The following TMCO5A variants were observed in gnomAD, a reference collection of about 807,000 sequenced individuals.
TMCO5A encodes transmembrane and coiled-coil domain-containing protein 5A.
A neutral mutation model predicts 42.3 loss-of-function variants in TMCO5A; 34 were observed. That is an observed-to-expected ratio of 0.80 (90% CI 0.61 to 1.07). The LOEUF is 1.07. Among genes scored for constraint, TMCO5A ranks in the 50% least tolerant of loss-of-function variants. The pLI is 0.00. For synonymous variants in TMCO5A, 131 were observed against 115.6 expected, an observed-to-expected ratio of 1.13 and a Z score of -0.86; for missense variants, 357 against 327.9, an observed-to-expected ratio of 1.09 and a Z score of -0.69.
At chr15:37,990,921 C>T in the TMCO5A span, among the ~76,000 whole-genome samples, 1 of 152,036 alleles carries the variant, frequency 6.6e-6, no homozygotes, top group Non-Finnish European at 1.5e-5. Flanking sequence ...TCCATCCTCA[C>T]ATCCTTTCAG....
At chr15:37,940,666 C>G (rs1889699702) in intron 6 of TMCO5A, among the ~76,000 whole-genome samples, 1 of 152,110 alleles carries the variant, frequency 6.6e-6, no homozygotes, top group Non-Finnish European at 1.5e-5. Context: ...ACTACTGTAT[C>G]CTAAGTACTA....
At chr15:37,973,930 T>C in the TMCO5A span, among the ~76,000 whole-genome samples, 2 of 152,182 alleles carry the variant, frequency 1.3e-5, no homozygotes, top group Admixed American at 1.3e-4. Flanking sequence ...TTTTGAGGTA[T>C]GTTCCTTCAT....
At chr15:37,992,284 C>G in the TMCO5A span, among the ~76,000 whole-genome samples, 2 of 152,048 alleles carry the variant, frequency 1.3e-5, no homozygotes, top group African/African-American at 4.8e-5. Context: ...AAATGCAAAT[C>G]AAAACCACAG....
chr15:37,965,493 A>T (rs1718746026), intron 11 of TMCO5A, among the ~76,000 whole-genome samples: 1 of 152,170 alleles, frequency 6.6e-6, no homozygotes, highest in African/African-American at 2.4e-5. Flanking sequence ...AGGGGAAAAT[A>T]TTTGCAAACT....
the TMCO5A span, among the ~76,000 whole-genome samples, chr15:37,976,881 G>T: frequency 4.7e-5 from 7 of 148,794 alleles, 1 homozygote. Context: ...CGCCTCCCAG[G>T]TTCAAATGAT....
chr15:37,994,770 A>G, the TMCO5A span: 1 of 152,400 alleles, frequency 6.6e-6, no homozygotes, highest in East Asian at 1.9e-4. Context: ...ATTAATATCT[A>G]TCGCTGTACA....
chr15:38,014,393 A>G, the TMCO5A span, among the ~76,000 whole-genome samples: 16 of 152,068 alleles, frequency 1.1e-4, no homozygotes, highest in Non-Finnish European at 1.6e-4. Flanking sequence ...ATTTCCCTTC[A>G]GCTCCCCATT....
chr15:37,947,761 G>T, intron 11 of TMCO5A, 65 bp downstream of exon 11: 1 of 1,117,870 alleles, frequency 8.9e-7, no homozygotes, highest in African/African-American at 1.6e-5. Flanking sequence ...TATTCGGGCA[G>T]AGGGAAAAGT....
chr15:37,985,061 A>T, the TMCO5A span, among the ~76,000 whole-genome samples: 16 of 152,098 alleles, frequency 1.1e-4, no homozygotes, highest in South Asian at 2.7e-3. Flanking sequence ...AGGGAAAAAA[A>T]AAAAACAACA....
At chr15:38,040,168 C>G in the TMCO5A span, 1 of 152,286 alleles carries the variant, frequency 6.6e-6, no homozygotes, top group Non-Finnish European at 1.5e-5. Flanking sequence ...AAAGTGACGT[C>G]CCATTCATAT....
the TMCO5A span, among the ~76,000 whole-genome samples, chr15:38,032,336 C>T: frequency 5.9e-5 from 9 of 152,290 alleles, no homozygotes; most frequent in Admixed American, 5.9e-4. Flanking sequence ...GGTCATCTTT[C>T]ACCTACTTTA....
At chr15:38,007,557 C>G in the TMCO5A span, among the ~76,000 whole-genome samples, 1 of 151,976 alleles carries the variant, frequency 6.6e-6, no homozygotes, top group Non-Finnish European at 1.5e-5. Context: ...TTAGGAGTAC[C>G]CAAAGAATTG....
the TMCO5A span, among the ~76,000 whole-genome samples, chr15:38,021,127 A>G: frequency 6.6e-6 from 1 of 152,218 alleles, no homozygotes; most frequent in Non-Finnish European, 1.5e-5. Context: ...CCAGTACAGC[A>G]CTTTTTAATG....
the TMCO5A span, among the ~76,000 whole-genome samples, chr15:38,032,685 A>T: frequency 6.6e-6 from 1 of 152,206 alleles, no homozygotes; most frequent in Non-Finnish European, 1.5e-5. Flanking sequence ...AGGCTACAGC[A>T]GAGGCCATGT....
chr15:37,969,178 G>A (rs1004473068), downstream of TMCO5A, among the ~76,000 whole-genome samples: 7 of 152,150 alleles, frequency 4.6e-5, no homozygotes, highest in African/African-American at 1.2e-4. Context: ...AGACTTGGAA[G>A]AAAAATGACA....
chr15:37,982,831 T>C, the TMCO5A span, among the ~76,000 whole-genome samples: 2 of 148,356 alleles, frequency 1.3e-5, no homozygotes, highest in South Asian at 2.1e-4. Flanking sequence ...TATGTGTGTG[T>C]ATATATATAT....
At chr15:37,988,998 C>T in the TMCO5A span, among the ~76,000 whole-genome samples, 1 of 151,856 alleles carries the variant, frequency 6.6e-6, no homozygotes, top group Non-Finnish European at 1.5e-5. Flanking sequence ...TTTTTTATTG[C>T]TAAGCCAGTC....
At chr15:37,980,721 T>A in the TMCO5A span, among the ~76,000 whole-genome samples, 2 of 150,104 alleles carry the variant, frequency 1.3e-5, no homozygotes, top group Admixed American at 6.6e-5. Flanking sequence ...CAGTGGAACC[T>A]GGAAGTTTGT....
chr15:38,021,804 G>C, the TMCO5A span, among the ~76,000 whole-genome samples: 1 of 149,822 alleles, frequency 6.7e-6, no homozygotes, highest in Non-Finnish European at 1.5e-5. Flanking sequence ...AAGGTAGTTC[G>C]ACAGTTTCTT....
Sources: gnomAD v4.1 joint callset for allele counts (sites outside exome capture counted in the v4.1 genomes callset) on GRCh38, gnomAD v4.1.1 for gene constraint, MANE v1.5 for transcripts, NCBI Gene and HGNC (gene_info 2026-07-23, HGNC 2026-07-21) for gene names.